Variants in RNF220 observed in about 807,000 individuals in gnomAD.
The protein encoded by RNF220 is ring finger protein 220.
Under a neutral mutation model 67.1 loss-of-function variants are expected in RNF220, and 7 were observed. The ratio of observed to expected loss-of-function variants is 0.10; its 90% CI spans 0.06 to 0.20. The LOEUF is 0.20. Ranked by LOEUF, RNF220 falls within the 10% of genes least tolerant of loss-of-function variation. RNF220 has a pLI of 1.00. For missense variants in RNF220, 565 were observed against 740.3 expected, an observed-to-expected ratio of 0.76 and a Z score of 2.75; for synonymous variants, 270 against 283.2, an observed-to-expected ratio of 0.95 and a Z score of 0.47.
intron 2 of RNF220, among the ~76,000 whole-genome samples, chr1:44,415,405 G>T (rs1648421629): frequency 6.6e-6 from 1 of 151,832 alleles, no homozygotes; most frequent in Admixed American, 6.6e-5. Context: ...CGGGGTATGG[G>T]GATATGAAAA....
chr1:44,642,213 C>T (rs1573175234), intron 8 of RNF220, among the ~76,000 whole-genome samples: 1 of 152,338 alleles, frequency 6.6e-6, no homozygotes, highest in South Asian at 2.1e-4. Flanking sequence ...TCTGGGTGGA[C>T]ACCAGGGAAG....
intron 2 of RNF220, among the ~76,000 whole-genome samples, chr1:44,444,375 T>C (rs1419690694): frequency 1.3e-5 from 2 of 152,174 alleles, no homozygotes; most frequent in Non-Finnish European, 2.9e-5. Context: ...GATTCATCCA[T>C]ATTATTGCAT....
At chr1:44,601,978 A>G (rs970689205) in intron 2 of RNF220, among the ~76,000 whole-genome samples, 1 of 152,114 alleles carries the variant, frequency 6.6e-6, no homozygotes, top group African/African-American at 2.4e-5. Context: ...GAAGGTGCAC[A>G]AGGGACCCAG....
Position 44,644,740 on chromosome 1 carries a change from G to A in RNF220, c.1169G>A (p.Ser390Asn). 6.2e-7 allele frequency: 1 copy of A among 1,614,198 alleles called. No homozygotes were observed. Among genetic ancestry groups the A allele is most frequent in the Admixed American group, 1.7e-5 (1 of 60,024 alleles). Residue 390 changes from serine to asparagine, a missense_variant, in exon 9 of 15, where the codon AGT (serine) becomes AAT (asparagine). Ser to Asn is a conservative substitution (Grantham distance 46). Coordinates refer to ENST00000361799, the MANE Select transcript of RNF220 (RefSeq NM_018150.4). Reference protein sequence around the residue: ...IMCSGKENPDSDADLDVDGDD... With the variant: ...IMCSGKENPDNDADLDVDGDD... ...TGCAGCGGCAAAGAGAACCCGGACA[G>A]TGATGCTGACTTGGATGTGGATGGG...
chr1:44,601,010 T>C (rs1405016813), intron 2 of RNF220, among the ~76,000 whole-genome samples: 1 of 152,192 alleles, frequency 6.6e-6, no homozygotes, highest in Non-Finnish European at 1.5e-5. Context: ...TTTGGTACAA[T>C]TGCAATTTTA....
intron 4 of RNF220, among the ~76,000 whole-genome samples, chr1:44,623,962 G>A (rs999444823): frequency 6.6e-6 from 1 of 152,254 alleles, no homozygotes; most frequent in African/African-American, 2.4e-5. Flanking sequence ...AGGAGCCAGA[G>A]TGACAAGTAT....
chr1:44,555,872 C>T (rs1663040553), intron 2 of RNF220, among the ~76,000 whole-genome samples: 1 of 150,774 alleles, frequency 6.6e-6, no homozygotes, highest in Non-Finnish European at 1.5e-5. Flanking sequence ...TGAACTCCTA[C>T]TAATCTTTCA....
intron 2 of RNF220, among the ~76,000 whole-genome samples, chr1:44,509,086 T>A (rs1658705763): frequency 6.6e-6 from 1 of 152,204 alleles, no homozygotes; most frequent in Non-Finnish European, 1.5e-5. Flanking sequence ...TGAAATTATA[T>A]CTTTTGCGTT....
At position 44,437,076 on chromosome 1, in the gene RNF220, A is replaced by G. The variant is rs189187150; in HGVS notation, c.625+24354A>G. On this transcript the variant is annotated intron_variant, in intron 2 of 14. Transcript: ENST00000361799. The stretch of plus-strand genomic sequence containing the variant: ...GGTGGCTTAGAGCACAATTTTGCTT[A>G]TTGAACGAGCCTCAATCTTCAGAGA... Among the ~76,000 whole-genome samples, 620 of 152,358 alleles carry G rather than the reference A, an allele frequency of 4.1e-3. 26 individuals carry two copies. The highest frequency in any genetic ancestry group is 0.038 in the Admixed American group (589 of 15,302).
intron 2 of RNF220, among the ~76,000 whole-genome samples, chr1:44,537,150 C>A (rs978409165): frequency 1.3e-5 from 2 of 152,078 alleles, no homozygotes; most frequent in East Asian, 1.9e-4. Context: ...TTTCTCTCTG[C>A]CCCTCTTCTA....
chr1:44,619,321 A>G (rs1415943538), intron 3 of RNF220, among the ~76,000 whole-genome samples: 1 of 152,220 alleles, frequency 6.6e-6, no homozygotes. Flanking sequence ...AAGGGCTCAA[A>G]GAAGCCAGAG....
At chr1:44,515,505 G>A (rs1659386048) in intron 2 of RNF220, among the ~76,000 whole-genome samples, 1 of 152,172 alleles carries the variant, frequency 6.6e-6, no homozygotes, top group Admixed American at 6.5e-5. Flanking sequence ...GAAAAACTGA[G>A]GCATTTGGGG....
chr1:44,456,930 A>G (rs1171711106), intron 2 of RNF220, among the ~76,000 whole-genome samples: 2 of 152,098 alleles, frequency 1.3e-5, no homozygotes, highest in East Asian at 1.9e-4. Context: ...CTTCTGCCTC[A>G]GTGTCTTAGC....
intron 2 of RNF220, among the ~76,000 whole-genome samples, chr1:44,435,176 C>T (rs139786892): frequency 1.2e-3 from 176 of 152,198 alleles, no homozygotes; most frequent in South Asian, 6.4e-3. Context: ...AAATCTGCAA[C>T]GGAGTGCGAC....
At chr1:44,519,573 G>A (rs551224912) in intron 2 of RNF220, among the ~76,000 whole-genome samples, 3 of 152,184 alleles carry the variant, frequency 2.0e-5, no homozygotes, top group African/African-American at 7.2e-5. Context: ...AAGCCCAGCA[G>A]CAAAAGAAAG....
chr1:44,466,378 T>C (rs1654276375), intron 2 of RNF220, among the ~76,000 whole-genome samples: 1 of 152,138 alleles, frequency 6.6e-6, no homozygotes, highest in South Asian at 2.1e-4. Flanking sequence ...TCCATGAGGG[T>C]TGGAATTAAC....
chr1:44,536,061 G>A (rs1287273842), intron 2 of RNF220, among the ~76,000 whole-genome samples: 2 of 152,108 alleles, frequency 1.3e-5, no homozygotes, highest in African/African-American at 4.8e-5. Flanking sequence ...CTGAGAAAGG[G>A]GTCTTCTCTA....
At chr1:44,466,789 C>T (rs1241559302) in intron 2 of RNF220, among the ~76,000 whole-genome samples, 1 of 152,188 alleles carries the variant, frequency 6.6e-6, no homozygotes, top group Non-Finnish European at 1.5e-5. Flanking sequence ...ATGCTATAAA[C>T]AGATGTGCTG....
chr1:44,465,571 C>T (rs1034924212), intron 2 of RNF220, among the ~76,000 whole-genome samples: 3 of 151,726 alleles, frequency 2.0e-5, no homozygotes, highest in Non-Finnish European at 4.4e-5. Flanking sequence ...CACCTGGCTG[C>T]AATATGCCAT....
Sources: allele counts gnomAD v4.1 joint callset (sites outside exome capture counted in the v4.1 genomes callset), GRCh38; gene constraint gnomAD v4.1.1; transcripts MANE v1.5; gene names NCBI Gene and HGNC (gene_info 2026-07-23, HGNC 2026-07-21).